PCBP3: variants seen among roughly 807,000 people sequenced by gnomAD.
The protein encoded by PCBP3 is poly(rC) binding protein 3.
Under a neutral mutation model 52.7 loss-of-function variants are expected in PCBP3, and 25 were observed. That is an observed-to-expected ratio of 0.47 (90% CI 0.35 to 0.66). The LOEUF is 0.66. PCBP3 is among the 30% of genes least tolerant of loss of function. The pLI, the probability that PCBP3 is intolerant of heterozygous loss-of-function variation, is 0.01. For synonymous variants in PCBP3, 162 were observed against 183.0 expected, an observed-to-expected ratio of 0.89 and a Z score of 0.93; for missense variants, 391 against 490.3, an observed-to-expected ratio of 0.80 and a Z score of 1.91.
chr21:45,826,860 C>T (rs1361635575), intron 4 of PCBP3, among the ~76,000 whole-genome samples: 3 of 152,190 alleles, frequency 2.0e-5, no homozygotes, highest in Admixed American at 6.5e-5. Flanking sequence ...ACAAAACGTG[C>T]TCTGCCTTGG....
At chr21:45,655,334 C>G (rs1030572307) in intron 1 of PCBP3, among the ~76,000 whole-genome samples, 5 of 151,820 alleles carry the variant, frequency 3.3e-5, no homozygotes, top group African/African-American at 4.8e-5. Context: ...ATGTAAAATT[C>G]CAAACAATTT....
intron 10 of PCBP3, among the ~76,000 whole-genome samples, chr21:45,909,735 CCTGGCCCACCCACTGCCCAGATACGGA>C (rs2096293043): frequency 6.8e-6 from 1 of 146,336 alleles, no homozygotes. Flanking sequence ...CAGATACAGA[CCTGGCCCACCCACTGCCCAGATACGGA>C]CCCCCCCCAC....
rs184839083 is a variant in PCBP3 at position 45,686,274 on chromosome 21, C to T, written c.-200+17322C>T. Among the ~76,000 whole-genome samples the T allele has an allele frequency of 1.1e-3, 170 of 152,176 alleles. 3 individuals are homozygous for T. Among genetic ancestry groups the T allele is most frequent in the Admixed American group, 0.011 (168 of 15,270 alleles). ...GTTCGGGAGACAATTAGAGTTTTGG[C>T]CATCCAGAATGGAGCATCCCTCCTG... On this transcript the variant is annotated intron_variant, in intron 2 of 17. Transcript: ENST00000681687.
chr21:45,813,033 G>T (rs1209261451), intron 4 of PCBP3, among the ~76,000 whole-genome samples: 1 of 152,100 alleles, frequency 6.6e-6, no homozygotes, highest in Non-Finnish European at 1.5e-5. Context: ...ATGGGAGTTT[G>T]TTGAGCATCT....
At chr21:45,696,660 G>A (rs535616256) in intron 2 of PCBP3, among the ~76,000 whole-genome samples, 18 of 152,040 alleles carry the variant, frequency 1.2e-4, no homozygotes, top group African/African-American at 2.9e-4. Flanking sequence ...GCATGGTGGC[G>A]CACGCCTGTA....
chr21:45,703,550 G>T (rs2148010343), intron 2 of PCBP3, among the ~76,000 whole-genome samples: 1 of 152,262 alleles, frequency 6.6e-6, no homozygotes, highest in Admixed American at 6.5e-5. Flanking sequence ...GGTCTTGAAG[G>T]GCCTTGGAGG....
At chr21:45,680,544 G>A (rs1297649366) in intron 2 of PCBP3, among the ~76,000 whole-genome samples, 1 of 152,092 alleles carries the variant, frequency 6.6e-6, no homozygotes, top group East Asian at 1.9e-4. Flanking sequence ...GAATTTTTGT[G>A]TGTTTATCTT....
intron 5 of PCBP3, among the ~76,000 whole-genome samples, chr21:45,874,620 T>C (rs1481431317): frequency 6.6e-6 from 1 of 151,536 alleles, no homozygotes; most frequent in Non-Finnish European, 1.5e-5. Flanking sequence ...ATTCTCCTGC[T>C]TCAGCCTCCC....
intron 4 of PCBP3, among the ~76,000 whole-genome samples, chr21:45,806,142 A>G (rs1357633961): frequency 6.6e-6 from 1 of 152,254 alleles, no homozygotes; most frequent in East Asian, 1.9e-4. Context: ...CAGAGTGTGG[A>G]AGACCCCAGC....
At chr21:45,886,932 T>C (rs2095538262) in intron 5 of PCBP3, among the ~76,000 whole-genome samples, 1 of 152,196 alleles carries the variant, frequency 6.6e-6, no homozygotes, top group South Asian at 2.1e-4. Context: ...CGGCCTTTGC[T>C]GCGTGGGTGG....
chr21:45,770,332 G>T (rs1385506848), intron 4 of PCBP3, among the ~76,000 whole-genome samples: 1 of 152,064 alleles, frequency 6.6e-6, no homozygotes, highest in African/African-American at 2.4e-5. Context: ...TTTCTTTTTA[G>T]ACTATCGTTT....
chr21:45,861,665 C>T (rs11089025), intron 5 of PCBP3, among the ~76,000 whole-genome samples: 4 of 152,082 alleles, frequency 2.6e-5, no homozygotes, highest in Non-Finnish European at 5.9e-5. Context: ...GCTTGCAGAC[C>T]GCACCGAGGG....
chr21:45,835,330 C>T (rs371974510), intron 4 of PCBP3, among the ~76,000 whole-genome samples: 2 of 152,144 alleles, frequency 1.3e-5, no homozygotes, highest in Admixed American at 6.5e-5. Flanking sequence ...TTAGCAGCAC[C>T]GGAGCTGCTC....
Position 45,737,056 on chromosome 21 carries a change from G to A in PCBP3, c.-162+1627G>A, listed in dbSNP as rs931882642. 2.0e-5 allele frequency among the ~76,000 whole-genome samples: 3 copies of A among 152,128 alleles called. No individual in the cohort carries two copies. Among genetic ancestry groups the A allele is most frequent in the East Asian group, 3.9e-4 (2 of 5,176 alleles). On this transcript the variant is annotated intron_variant, in intron 3 of 17. Coordinates refer to ENST00000681687, the MANE Select transcript of PCBP3 (RefSeq NM_001384156.1). This position sits in a 1 kb window ranked among gnomAD's most constrained non-coding sequence, Gnocchi z 4.9. Reference sequence around the variant, plus strand: ...CCAAGGGGGTTTGGAGCAGAAGCTCGGGTCTGACATGCCTGGTGCATCCAT... The same window carrying A: ...CCAAGGGGGTTTGGAGCAGAAGCTCAGGTCTGACATGCCTGGTGCATCCAT...
At position 45,827,243 on chromosome 21, in the gene PCBP3, C is replaced by T. The variant is rs977488344; in HGVS notation, c.-125-22718C>T. Among the ~76,000 whole-genome samples the T allele has an allele frequency of 6.6e-6, 1 of 152,202 alleles. No individual in the cohort carries two copies. Among genetic ancestry groups the T allele is most frequent in the African/African-American group, 2.4e-5 (1 of 41,454 alleles). ...CAGGGGCGGAACCTAGATGCCTCTT[C>T]TAACCTGGCGGCAATGAGGCAGCAC... On this transcript the variant is annotated intron_variant, in intron 4 of 17. Coordinates refer to ENST00000681687, the MANE Select transcript of PCBP3 (RefSeq NM_001384156.1). This position sits in a 1 kb window ranked among gnomAD's most constrained non-coding sequence, Gnocchi z 4.3.
At chr21:45,850,594 G>T (rs1397303411) in intron 5 of PCBP3, among the ~76,000 whole-genome samples, 2 of 152,222 alleles carry the variant, frequency 1.3e-5, no homozygotes, top group Non-Finnish European at 2.9e-5. Context: ...AGGAACGTTG[G>T]ATGAATGAGC....
In PCBP3 at chr21:45,656,743, A is replaced by G. The variant is rs1387177348; in HGVS notation, c.-278-12131A>G. 6.6e-6 allele frequency among the ~76,000 whole-genome samples: 1 copy of G among 152,158 alleles called. No individual in the cohort carries two copies. The highest frequency in any genetic ancestry group is 2.4e-5 in the African/African-American group (1 of 41,432). On this transcript the variant is annotated intron_variant, in intron 1 of 17. Coordinates refer to ENST00000681687, the MANE Select transcript of PCBP3 (RefSeq NM_001384156.1). This position sits in a 1 kb window ranked among gnomAD's most constrained non-coding sequence, Gnocchi z 4.3. ...TATCGCTGAGTTGTAAGTGTTCTTT[A>G]TGTATTCTGTATGTTAGTCCCTTAT...
rs189760661 is a variant in PCBP3, at chr21:45,817,179, G to T, written c.-125-32782G>T. Among the ~76,000 whole-genome samples, 3 of 152,076 alleles carry T rather than the reference G, an allele frequency of 2.0e-5. No individual in the cohort carries two copies. Among genetic ancestry groups the T allele is most frequent in the African/African-American group, 7.2e-5 (3 of 41,394 alleles). ...TTACCGAAACTTCATGTCATGGCTC[G>T]GTCGAACTTTGTCAAGGAAAGTCTT... On this transcript the variant is annotated intron_variant, in intron 4 of 17. Coordinates refer to ENST00000681687, the MANE Select transcript of PCBP3 (RefSeq NM_001384156.1). This position sits in a 1 kb window ranked among gnomAD's most constrained non-coding sequence, Gnocchi z 4.3.
At chr21:45,694,982 C>T (rs1569125018) in intron 2 of PCBP3, among the ~76,000 whole-genome samples, 1 of 152,090 alleles carries the variant, frequency 6.6e-6, no homozygotes, top group African/African-American at 2.4e-5. Flanking sequence ...TAAAGATGTG[C>T]AAAAGACTTC....
Sources: allele counts gnomAD v4.1 joint callset (sites outside exome capture counted in the v4.1 genomes callset), GRCh38; gene constraint gnomAD v4.1.1; non-coding constraint Gnocchi (gnomAD v3.1); transcripts MANE v1.5; gene names NCBI Gene and HGNC (gene_info 2026-07-23, HGNC 2026-07-21).